TMEM178B: variants seen among roughly 807,000 people sequenced by gnomAD.
The protein encoded by TMEM178B is transmembrane protein 178B.
TMEM178B carries 5 observed loss-of-function variants against 31.0 expected under a neutral mutation model. The observed-to-expected ratio is 0.16, with a 90% CI of 0.08 to 0.34. The LOEUF (loss-of-function observed/expected upper bound fraction) is 0.34. Among genes scored for constraint, TMEM178B ranks in the 10% least tolerant of loss-of-function variants. TMEM178B has a pLI of 1.00. For missense variants in TMEM178B, 275 were observed against 400.3 expected (o/e 0.69, Z 2.67); for synonymous variants, 164 against 164.0 (o/e 1.00, Z 0.00).
At chr7:141,502,295 TACTA>T in the TMEM178B span, among the ~76,000 whole-genome samples, 1 of 129,536 alleles carries the variant, frequency 7.7e-6, no homozygotes, top group African/African-American at 4.7e-5. Flanking sequence ...TTCCAGTGAC[TACTA>T]AGGTTCAGAA....
chr7:141,255,339 T>C (rs10256379), intron 2 of TMEM178B, among the ~76,000 whole-genome samples: 65,966 of 151,950 alleles, frequency 0.43, 14,555 homozygotes, highest in East Asian at 0.67. Context: ...TTGCATGTTG[T>C]TATTTGACAA....
intron 1 of TMEM178B, among the ~76,000 whole-genome samples, chr7:141,124,146 C>A (rs376702491): frequency 4.7e-4 from 72 of 152,268 alleles, no homozygotes; most frequent in African/African-American, 1.7e-3. Context: ...GTGGGCAGAT[C>A]ACCTGAGGTC....
At chr7:141,444,494 T>C (rs1179807601) in intron 3 of TMEM178B, among the ~76,000 whole-genome samples, 1 of 152,264 alleles carries the variant, frequency 6.6e-6, no homozygotes, top group Non-Finnish European at 1.5e-5. Context: ...GTCCTCTTGT[T>C]GTCTTTATTT....
chr7:141,162,217 T>A (rs1278992997), intron 1 of TMEM178B, among the ~76,000 whole-genome samples: 1 of 152,238 alleles, frequency 6.6e-6, no homozygotes, highest in East Asian at 1.9e-4. Flanking sequence ...CCTTGCGCCC[T>A]GCAGCTCCTG....
chr7:141,306,955 A>G (rs1189746179), intron 2 of TMEM178B, among the ~76,000 whole-genome samples: 1 of 152,048 alleles, frequency 6.6e-6, no homozygotes, highest in Non-Finnish European at 1.5e-5. Context: ...TAATTATATC[A>G]CCATATATAA....
the TMEM178B span, among the ~76,000 whole-genome samples, chr7:141,502,182 C>A: frequency 6.6e-6 from 1 of 152,194 alleles, no homozygotes; most frequent in Non-Finnish European, 1.5e-5. Context: ...TCGAATATCT[C>A]CCATGTTTTA....
intron 2 of TMEM178B, among the ~76,000 whole-genome samples, chr7:141,313,978 GA>G (rs1392933897): frequency 6.6e-6 from 1 of 152,144 alleles, no homozygotes; most frequent in Non-Finnish European, 1.5e-5. Context: ...TCCACTAAAC[GA>G]TTCCAGTGAG....
intron 2 of TMEM178B, among the ~76,000 whole-genome samples, chr7:141,284,706 A>G (rs1798416225): frequency 6.6e-6 from 1 of 152,210 alleles, no homozygotes; most frequent in Non-Finnish European, 1.5e-5. Flanking sequence ...ATATGGGGTC[A>G]GTGAGGTTTG....
intron 2 of TMEM178B, among the ~76,000 whole-genome samples, chr7:141,378,327 A>G (rs1800255989): frequency 6.6e-6 from 1 of 152,060 alleles, no homozygotes; most frequent in Non-Finnish European, 1.5e-5. Context: ...CCCCTCCACT[A>G]CTTTTCTAGT....
At chr7:141,364,590 G>A (rs554191537) in intron 2 of TMEM178B, among the ~76,000 whole-genome samples, 2 of 149,332 alleles carry the variant, frequency 1.3e-5, no homozygotes, top group African/African-American at 4.9e-5. Context: ...AACCCAGGAG[G>A]GAGAGGTTGC....
intron 2 of TMEM178B, among the ~76,000 whole-genome samples, chr7:141,302,980 A>G (rs555783643): frequency 1.3e-5 from 2 of 152,358 alleles, no homozygotes; most frequent in South Asian, 4.1e-4. Flanking sequence ...GGTTTGGCTT[A>G]CTGAGAAGGG....
intron 2 of TMEM178B, among the ~76,000 whole-genome samples, chr7:141,232,257 G>A (rs750397324): frequency 6.6e-6 from 1 of 152,124 alleles, no homozygotes; most frequent in Non-Finnish European, 1.5e-5. Flanking sequence ...TGTGAATAGT[G>A]CTGCAATGAA....
At chr7:141,487,555 C>T in the TMEM178B span, among the ~76,000 whole-genome samples, 1 of 151,884 alleles carries the variant, frequency 6.6e-6, no homozygotes, top group East Asian at 1.9e-4. Context: ...GCCTGGCCAA[C>T]ATAGTGAAAC....
At chr7:141,236,261 C>G (rs1797525217) in intron 2 of TMEM178B, among the ~76,000 whole-genome samples, 1 of 152,124 alleles carries the variant, frequency 6.6e-6, no homozygotes, top group South Asian at 2.1e-4. Flanking sequence ...AAGCTGCTCC[C>G]AAATTTGAGA....
chr7:141,425,841 T>A (rs1801305109), intron 2 of TMEM178B, among the ~76,000 whole-genome samples: 1 of 152,168 alleles, frequency 6.6e-6, no homozygotes. Flanking sequence ...GAGGTAGGAC[T>A]GAGGAGGAGG....
intron 2 of TMEM178B, among the ~76,000 whole-genome samples, chr7:141,238,817 G>A (rs1797570341): frequency 6.6e-6 from 1 of 152,196 alleles, no homozygotes; most frequent in African/African-American, 2.4e-5. Flanking sequence ...TGTGTGGTTA[G>A]GGGTGCAGTC....
intron 1 of TMEM178B, among the ~76,000 whole-genome samples, chr7:141,098,337 G>T (rs1229435934): frequency 4.6e-5 from 7 of 152,158 alleles, no homozygotes; most frequent in Admixed American, 4.6e-4. Context: ...ATACAGAACT[G>T]CCCTCTTGAA....
chr7:141,501,855 TC>T, the TMEM178B span, among the ~76,000 whole-genome samples: 1 of 152,038 alleles, frequency 6.6e-6, no homozygotes, highest in African/African-American at 2.4e-5. Flanking sequence ...ATGCTCTCTC[TC>T]TCTCTCTCTC....
At chr7:141,495,969 C>A in the TMEM178B span, among the ~76,000 whole-genome samples, 2 of 152,146 alleles carry the variant, frequency 1.3e-5, no homozygotes, top group African/African-American at 2.4e-5. Context: ...TGTTCCTAAC[C>A]ATTCACAGCC....
Sources: gnomAD v4.1 joint callset for allele counts (sites outside exome capture counted in the v4.1 genomes callset) on GRCh38, gnomAD v4.1.1 for gene constraint, MANE v1.5 for transcripts, NCBI Gene and HGNC (gene_info 2026-07-23, HGNC 2026-07-21) for gene names.